Variants in GLCCI1 observed in about 807,000 individuals in gnomAD.
GLCCI1 encodes the protein glucocorticoid induced 1.
A neutral mutation model predicts 52.2 loss-of-function variants in GLCCI1; 24 were observed. The observed-to-expected ratio is 0.46, with a 90% confidence interval of 0.33 to 0.65. GLCCI1 has a LOEUF of 0.65. Among genes scored for constraint, GLCCI1 ranks in the 30% least tolerant of loss-of-function variants. The probability of loss-of-function intolerance (pLI) is 0.02; values close to 1 mark genes in which losing one functional copy is unlikely to be tolerated. For missense variants in GLCCI1, 704 were observed against 701.5 expected (o/e 1.00, Z -0.04); for synonymous variants, 310 against 276.5 (o/e 1.12, Z -1.20).
rs141867292 is a variant in GLCCI1 at position 8,054,281 on chromosome 7, A to G, written c.697-1152A>G. On this transcript the variant is annotated intron_variant, in intron 3 of 7. Transcript: ENST00000223145. ...TAAAAATTAATGTTCTCTGCAAGAAAATTATGTCAGTTCAATAGAGAGGAA... is the reference window on the plus strand; with the variant it reads ...TAAAAATTAATGTTCTCTGCAAGAAGATTATGTCAGTTCAATAGAGAGGAA... Among the ~76,000 whole-genome samples the G allele has an allele frequency of 4.8e-3, 733 of 152,278 alleles. 3 individuals are homozygous for G. Among genetic ancestry groups the G allele is most frequent in the African/African-American group, 0.016 (666 of 41,582 alleles).
intron 3 of GLCCI1, among the ~76,000 whole-genome samples, chr7:8,033,164 T>C (rs1308142156): frequency 6.6e-6 from 1 of 151,742 alleles, no homozygotes; most frequent in Non-Finnish European, 1.5e-5. Context: ...CATAATCACC[T>C]AAGTAGAGTC....
In GLCCI1 at chr7:7,994,568, A is replaced by G. The variant is rs115105726; in HGVS notation, c.458-9340A>G. The stretch of plus-strand genomic sequence containing the variant: ...AGCTCTAATAACAACCTGCTCTTGT[A>G]ATAGCATTAATGCATTCATGAAGGC... On this transcript the variant is annotated intron_variant, in intron 1 of 7. Coordinates refer to ENST00000223145, the MANE Select transcript of GLCCI1 (RefSeq NM_138426.4). Among the ~76,000 whole-genome samples, 416 of 152,342 alleles carry G rather than the reference A, an allele frequency of 2.7e-3. 5 individuals are homozygous for G. The highest frequency in any genetic ancestry group is 9.6e-3 in the African/African-American group (400 of 41,570).
chr7:8,086,407 T>A lies in GLCCI1; in HGVS notation c.1513T>A (p.Ser505Thr), dbSNP rs781613643. 9 of 1,613,990 alleles carry A rather than the reference T, an allele frequency of 5.6e-6. No individual in the cohort carries two copies. In the African/African-American group the frequency reaches 9.3e-5, roughly 17 times the overall value. ...GCTCTCATCCCGGGTTTCCTTTACG[T>A]CTCTTTCTGATGACACCAGCACAGC... ...EQLSSRVSFT[S>T]LSDDTSTAGS... The change falls in exon 8 of 8, where the codon TCT becomes ACT. Residue 505 changes from serine (S) to threonine (T), a missense_variant. Transcript: ENST00000223145. The surrounding 1 kb of genome is among the most constrained non-coding windows in gnomAD (Gnocchi z 4.4).
intron 1 of GLCCI1, among the ~76,000 whole-genome samples, chr7:7,980,011 CTG>C (rs1472485485): frequency 1.1e-4 from 16 of 152,260 alleles, no homozygotes; most frequent in Non-Finnish European, 1.6e-4. Context: ...TCTTGGCTCA[CTG>C]TAACCTCTGC....
At chr7:8,059,138 A>C (rs926137793) in intron 4 of GLCCI1, among the ~76,000 whole-genome samples, 3 of 152,198 alleles carry the variant, frequency 2.0e-5, no homozygotes, top group African/African-American at 7.2e-5. Context: ...AAGTCGACCC[A>C]CACAGGTCAA....
chr7:8,086,578 C>A lies in GLCCI1; in HGVS notation c.*40C>A. The A allele has an allele frequency of 6.8e-7, 1 of 1,475,154 alleles. No homozygotes were observed. The highest frequency in any genetic ancestry group is 2.3e-5 in the East Asian group (1 of 44,048). 91.4% of individuals were successfully genotyped at this position (1,475,154 alleles called of 1,614,324 possible). A position where few individuals can be genotyped will look rare whatever the true frequency, so the allele number is the denominator to read the frequency against. On this transcript the variant is annotated 3_prime_UTR_variant, in exon 8 of 8. Coordinates refer to ENST00000223145, the MANE Select transcript of GLCCI1 (RefSeq NM_138426.4). The surrounding 1 kb of genome is among the most constrained non-coding windows in gnomAD (Gnocchi z 4.4). ...GCCTCCACCCTATGTTCCATGGATT[C>A]GGAACAAGATTTCAGACATCTGCAT...
At chr7:8,072,172 G>C (rs184155417) in intron 6 of GLCCI1, among the ~76,000 whole-genome samples, 22 of 152,200 alleles carry the variant, frequency 1.4e-4, no homozygotes, top group Admixed American at 1.2e-3. Context: ...CCACTTTGCT[G>C]ACTTCCATCA....
At chr7:8,034,664 T>A (rs1317208309) in intron 3 of GLCCI1, among the ~76,000 whole-genome samples, 1 of 152,032 alleles carries the variant, frequency 6.6e-6, no homozygotes, top group African/African-American at 2.4e-5. Flanking sequence ...TTGAATAGAA[T>A]ATCAAGGGGA....
chr7:8,046,171 G>T (rs202181400), intron 3 of GLCCI1, among the ~76,000 whole-genome samples: 1 of 90,700 alleles, frequency 1.1e-5, no homozygotes, highest in African/African-American at 4.7e-5. Context: ...ACTATCAGCT[G>T]GGAATTGAAA....
intron 6 of GLCCI1, among the ~76,000 whole-genome samples, chr7:8,079,090 A>T (rs1782936130): frequency 6.6e-6 from 1 of 152,182 alleles, no homozygotes. Context: ...AATTTTTATT[A>T]GAAGTTCCAA....
intron 3 of GLCCI1, among the ~76,000 whole-genome samples, chr7:8,050,906 T>C (rs536589457): frequency 1.8e-4 from 27 of 152,328 alleles, no homozygotes; most frequent in African/African-American, 6.3e-4. Context: ...CATGTGCTTT[T>C]GTTGAAAAAT....
chr7:8,053,028 A>G (rs1400418118), intron 3 of GLCCI1, among the ~76,000 whole-genome samples: 1 of 151,110 alleles, frequency 6.6e-6, no homozygotes, highest in Non-Finnish European at 1.5e-5. Context: ...TTATTTATTT[A>G]TTTATTTATT....
chr7:8,044,012 T>G (rs1782063025), intron 3 of GLCCI1, among the ~76,000 whole-genome samples: 1 of 151,338 alleles, frequency 6.6e-6, no homozygotes, highest in East Asian at 1.9e-4. Context: ...TGGCGCGATC[T>G]CCGCTCACTG....
At chr7:8,050,578 C>T (rs1456920803) in intron 3 of GLCCI1, among the ~76,000 whole-genome samples, 1 of 152,104 alleles carries the variant, frequency 6.6e-6, no homozygotes, top group Non-Finnish European at 1.5e-5. Context: ...CATGATTTTT[C>T]AAACTATATT....
intron 6 of GLCCI1, among the ~76,000 whole-genome samples, chr7:8,081,408 A>G (rs989059524): frequency 2.0e-5 from 3 of 152,224 alleles, no homozygotes; most frequent in African/African-American, 7.2e-5. Flanking sequence ...AAACCCATCT[A>G]TAGACTTAGG....
chr7:7,977,618 C>A (rs1312378720), intron 1 of GLCCI1, among the ~76,000 whole-genome samples: 1 of 152,040 alleles, frequency 6.6e-6, no homozygotes, highest in Non-Finnish European at 1.5e-5. Context: ...TGCATCTTAT[C>A]TTCTGTGTCT....
At chr7:7,982,109 C>A in intron 1 of GLCCI1, 1 of 432,462 alleles carries the variant, frequency 2.3e-6, no homozygotes, top group South Asian at 1.9e-5. Context: ...GAGGAATGGC[C>A]ATTATAGTAA....
chr7:8,040,821 C>T (rs559333926), intron 3 of GLCCI1, among the ~76,000 whole-genome samples: 57 of 152,272 alleles, frequency 3.7e-4, no homozygotes, highest in African/African-American at 1.3e-3. Flanking sequence ...AAACTTAATC[C>T]GTAAATGTAT....
intron 5 of GLCCI1, among the ~76,000 whole-genome samples, chr7:8,067,394 T>C (rs895018027): frequency 7.9e-5 from 12 of 152,218 alleles, no homozygotes; most frequent in African/African-American, 2.9e-4. Flanking sequence ...TTAATATTGA[T>C]ATGTACATGA....
Sources: gnomAD v4.1 joint callset for allele counts (sites outside exome capture counted in the v4.1 genomes callset) on GRCh38, gnomAD v4.1.1 for gene constraint, Gnocchi (gnomAD v3.1) non-coding constraint, MANE v1.5 for transcripts, NCBI Gene and HGNC (gene_info 2026-07-23, HGNC 2026-07-21) for gene names.